Variants in WDR89 observed in about 807,000 individuals in gnomAD.
The protein encoded by WDR89 is WD repeat domain 89.
Under a neutral mutation model 29.1 loss-of-function variants are expected in WDR89, and 17 were observed. That is an observed-to-expected ratio of 0.58 (90% confidence interval 0.40 to 0.88). The LOEUF is 0.88. Among genes scored for constraint, WDR89 ranks in the 40% least tolerant of loss-of-function variants. The pLI is 0.00. For missense variants in WDR89, 396 were observed against 456.3 expected (o/e 0.87, Z 1.20); for synonymous variants, 138 against 157.8 (o/e 0.87, Z 0.94).
chr14:63,628,692 G>A (rs116188304), intron 1 of WDR89, among the ~76,000 whole-genome samples: 1,546 of 152,284 alleles, frequency 0.01, 23 homozygotes, highest in African/African-American at 0.035. Flanking sequence ...GGCCGGGTGC[G>A]GTGGCTCACG....
At position 63,599,730 on chromosome 14, in the gene WDR89, T is replaced by C; in HGVS notation, c.213A>G (p.Gly71=). 1 of 1,614,168 alleles carries C rather than the reference T, an allele frequency of 6.2e-7. No homozygotes were observed. The highest frequency in any genetic ancestry group is 8.5e-7 in the Non-Finnish European group (1 of 1,180,020). Residue 71 remains glycine (G), a synonymous_variant, in exon 3 of 3, where the codon GGA becomes GGG. Transcript: ENST00000620954. ...TTGCAAATCTGACTCCATTAAGAAG[T>C]CCAGGATATCCACTAAATTCTCGTA... The part of the protein sequence containing the change: ...NVLREFSGYP[G]LLNGVRFANS...
intron 2 of WDR89, among the ~76,000 whole-genome samples, chr14:63,617,164 T>A (rs1882373289): frequency 7.3e-6 from 1 of 137,402 alleles, no homozygotes; most frequent in Non-Finnish European, 1.5e-5. Flanking sequence ...CACTACAACC[T>A]CCACCTCCCA....
chr14:63,614,932 A>G (rs1882213263), intron 2 of WDR89, among the ~76,000 whole-genome samples: 1 of 152,202 alleles, frequency 6.6e-6, no homozygotes, highest in African/African-American at 2.4e-5. Flanking sequence ...TATTCACATA[A>G]ACGTCCAAGA....
intron 2 of WDR89, among the ~76,000 whole-genome samples, chr14:63,614,134 T>C (rs1003668093): frequency 5.8e-4 from 89 of 152,162 alleles, no homozygotes; most frequent in African/African-American, 2.1e-3. Flanking sequence ...GCATGTAGCA[T>C]ATTAATCTTT....
At chr14:63,634,108 CG>C (rs1325569759) in intron 1 of WDR89, among the ~76,000 whole-genome samples, 11 of 152,130 alleles carry the variant, frequency 7.2e-5, no homozygotes, top group Non-Finnish European at 1.2e-4. Context: ...AATTTCAGGC[CG>C]GGCACAGTGG....
At position 63,605,166 on chromosome 14, in the gene WDR89, C is replaced by CTA. The variant is rs112149490; in HGVS notation, c.-31-5195_-31-5194dup. 4.5e-3 allele frequency among the ~76,000 whole-genome samples: 645 copies of CTA among 143,976 alleles called. 3 individuals carry two copies. Among genetic ancestry groups the CTA allele is most frequent in the Admixed American group, 0.014 (197 of 14,248 alleles). The allele number at this position is 143,976 out of a possible 152,430, so 94.5% of individuals were successfully genotyped here. A position where few individuals can be genotyped will look rare whatever the true frequency, so the allele number is the denominator to read the frequency against. On this transcript the variant is annotated intron_variant, in intron 2 of 2. Transcript: ENST00000620954. Reference sequence around the variant, plus strand: ...ACGTGCTGTCTGTCTCTCTCTCTCTCTATATATATATATATACACACACAC... The same window carrying CTA: ...ACGTGCTGTCTGTCTCTCTCTCTCTCTATATATATATATATATACACACACAC...
chr14:63,606,278 G>A (rs73280667), intron 2 of WDR89, among the ~76,000 whole-genome samples: 14,414 of 152,046 alleles, frequency 0.095, 1,361 homozygotes, highest in African/African-American at 0.24. Context: ...AAGAGTTTTA[G>A]AAGTAAAATT....
intron 1 of WDR89, among the ~76,000 whole-genome samples, chr14:63,629,973 A>G (rs958827016): frequency 2.0e-5 from 3 of 152,062 alleles, no homozygotes; most frequent in Admixed American, 2.0e-4. Flanking sequence ...CTTGAGATGG[A>G]GTCTCGCCTT....
intron 2 of WDR89, among the ~76,000 whole-genome samples, chr14:63,609,390 A>G (rs899708639): frequency 7.9e-5 from 12 of 152,332 alleles, no homozygotes; most frequent in South Asian, 4.1e-4. Flanking sequence ...CATGAACACA[A>G]TATCAAATAA....
At chr14:63,606,732 T>C (rs1895341348) in intron 2 of WDR89, among the ~76,000 whole-genome samples, 1 of 152,224 alleles carries the variant, frequency 6.6e-6, no homozygotes, top group Non-Finnish European at 1.5e-5. Flanking sequence ...CACCAAATGC[T>C]AGGCTATGTG....
chr14:63,610,080 T>G (rs1329407821), intron 2 of WDR89, among the ~76,000 whole-genome samples: 1 of 150,672 alleles, frequency 6.6e-6, no homozygotes, highest in Non-Finnish European at 1.5e-5. Flanking sequence ...CTCATCTGAG[T>G]GCAGTGGCTC....
In WDR89 at chr14:63,598,824, T is replaced by C; in HGVS notation, c.1119A>G (p.Val373=). Residue 373 remains valine, a synonymous_variant, in exon 3 of 3, where the codon GTA becomes GTG. Transcript: ENST00000620954. The part of the protein sequence containing the change: ...MKIASSVHQR[V]RVHSNDSYKR... ...TATAAGAATCATTACTATGAACTCG[T>C]ACTCGTTGGTGCACAGAGGATGCTA... 6.2e-7 allele frequency: 1 copy of C among 1,610,450 alleles called. No individual in the cohort carries two copies. The highest frequency in any genetic ancestry group is 8.5e-7 in the Non-Finnish European group (1 of 1,178,674).
In WDR89 at chr14:63,599,612, T is replaced by C. The variant is rs1894956010; in HGVS notation, c.331A>G (p.Lys111Glu). Residue 111 changes from lysine (K) to glutamate (E), a missense_variant, in exon 3 of 3, where the codon AAG becomes GAG. Physicochemically the swap from Lys to Glu is moderately conservative, Grantham distance 56. Transcript: ENST00000620954. ...ATAAAAATATTGGAAGGGTAACCCT[T>C]GAAGAGCTGAACAGGTTTTTCTCTG... ...VAREKPVQLFKGYPSNIFISF... is the reference protein window; with the variant it reads ...VAREKPVQLFEGYPSNIFISF... 3.1e-6 allele frequency: 5 copies of C among 1,614,128 alleles called. No individual in the cohort carries two copies. Among genetic ancestry groups the C allele is most frequent in the Non-Finnish European group, 4.2e-6 (5 of 1,179,996 alleles).
intron 2 of WDR89, chr14:63,617,934 TAGAAGTA>T (rs1882423327): frequency 6.6e-6 from 1 of 152,124 alleles, no homozygotes; most frequent in Non-Finnish European, 1.5e-5. Context: ...TCTATAATGG[TAGAAGTA>T]AGAATACTAC....
chr14:63,628,280 A>G (rs950444581), intron 1 of WDR89, among the ~76,000 whole-genome samples: 1 of 152,240 alleles, frequency 6.6e-6, no homozygotes, highest in African/African-American at 2.4e-5. Flanking sequence ...TTTCTTTTTT[A>G]GAATTTATAA....
At chr14:63,612,932 G>C (rs1459548275) in intron 2 of WDR89, among the ~76,000 whole-genome samples, 2 of 152,134 alleles carry the variant, frequency 1.3e-5, no homozygotes, top group Non-Finnish European at 2.9e-5. Context: ...ATTTGGTATA[G>C]GACATTCAAT....
At chr14:63,621,944 TA>T (rs1381152358) in intron 2 of WDR89, 2 of 152,222 alleles carry the variant, frequency 1.3e-5, no homozygotes, top group Non-Finnish European at 2.9e-5. Context: ...CTGTTGCTGT[TA>T]AACTGTTATT....
intron 1 of WDR89, among the ~76,000 whole-genome samples, chr14:63,626,676 CAA>C (rs35582220): frequency 8.7e-3 from 298 of 34,234 alleles, no homozygotes; most frequent in South Asian, 0.012. Flanking sequence ...GAGACTGTCT[CAA>C]AAAAAAAAAA....
intron 1 of WDR89, among the ~76,000 whole-genome samples, chr14:63,632,669 T>G (rs61984048): frequency 0.02 from 3,064 of 150,448 alleles, 47 homozygotes; most frequent in South Asian, 0.032. Flanking sequence ...ACTGGATGAA[T>G]TATACAGATG....
Sources: allele counts gnomAD v4.1 joint callset (sites outside exome capture counted in the v4.1 genomes callset), GRCh38; gene constraint gnomAD v4.1.1; transcripts MANE v1.5; gene names NCBI Gene and HGNC (gene_info 2026-07-23, HGNC 2026-07-21).